The following UBE2Q2 variants were observed in gnomAD, a reference collection of about 807,000 sequenced individuals.
UBE2Q2 encodes ubiquitin conjugating enzyme E2 Q2.
A neutral mutation model predicts 59.9 loss-of-function variants in UBE2Q2; 54 were observed. That is an observed-to-expected ratio of 0.90 (90% CI 0.72 to 1.13). The LOEUF (loss-of-function observed/expected upper bound fraction) is 1.13, where lower values mean the gene tolerates loss of function less well. Among genes scored for constraint, UBE2Q2 ranks in the 50% most tolerant of loss-of-function variants. The pLI is 0.00. For missense variants in UBE2Q2, 433 were observed against 441.9 expected (o/e 0.98, Z 0.18); for synonymous variants, 165 against 155.2 (o/e 1.06, Z -0.47).
chr15:75,877,868 A>G (rs28606602), intron 6 of UBE2Q2, 93 bp from the exon 7 acceptor site: 44,006 of 1,129,394 alleles, frequency 0.039, 1,024 homozygotes, highest in South Asian at 0.058. Context: ...CAAAATTTCT[A>G]GCTTTCGTTG....
At chr15:75,878,219 A>C in intron 7 of UBE2Q2, 198 bp downstream of exon 7, 1 of 535,456 alleles carries the variant, frequency 1.9e-6, no homozygotes, top group Non-Finnish European at 3.3e-6. Context: ...GAGGAAGGAC[A>C]GAAAGAGGGA....
chr15:75,843,899 G>C, intron 1 of UBE2Q2, 53 bp downstream of exon 1: 1 of 1,491,498 alleles, frequency 6.7e-7, no homozygotes, highest in Non-Finnish European at 8.9e-7. Flanking sequence ...GAGAGGGGGC[G>C]CTTCGAGTCC....
At chr15:75,883,918 A>G (rs1898605723) in intron 9 of UBE2Q2, among the ~76,000 whole-genome samples, 1 of 152,214 alleles carries the variant, frequency 6.6e-6, no homozygotes, top group Non-Finnish European at 1.5e-5. Context: ...TTTCAAATGT[A>G]AATTGTGATT....
chr15:75,889,374 A>G (rs1018269853), intron 9 of UBE2Q2, among the ~76,000 whole-genome samples: 9 of 152,192 alleles, frequency 5.9e-5, no homozygotes, highest in African/African-American at 1.9e-4. Flanking sequence ...CCCTTATTTT[A>G]TTATTAAATA....
chr15:75,866,457 G>C (rs1426958830), intron 3 of UBE2Q2, among the ~76,000 whole-genome samples: 1 of 152,186 alleles, frequency 6.6e-6, no homozygotes, highest in Non-Finnish European at 1.5e-5. Context: ...ACAGGCATGA[G>C]CCACCGTGTC....
chr15:75,864,708 T>C (rs902974002), intron 3 of UBE2Q2, among the ~76,000 whole-genome samples: 1 of 152,172 alleles, frequency 6.6e-6, no homozygotes, highest in Admixed American at 6.5e-5. Context: ...GTTTTCTTTA[T>C]CTTGATTACT....
Position 75,890,419 on chromosome 15 carries a change from C to CT in UBE2Q2, c.885-10dup, listed in dbSNP as rs1567041833. 3 of 1,580,990 alleles carry CT rather than the reference C, an allele frequency of 1.9e-6. No homozygotes were observed. The highest frequency in any genetic ancestry group is 2.6e-6 in the Non-Finnish European group (3 of 1,170,990). ...AATTCTCGAGAATTTTGTATGACTCCTTTTTTCTTTTTAAGGTATGTATTG... is the reference window on the plus strand; with the variant it reads ...AATTCTCGAGAATTTTGTATGACTCCTTTTTTTCTTTTTAAGGTATGTATTG... On this transcript the variant is annotated splice_polypyrimidine_tract_variant and intron_variant, in intron 9 of 12. Coordinates refer to ENST00000267938, the MANE Select transcript of UBE2Q2 (RefSeq NM_173469.4).
At chr15:75,878,965 T>C in intron 7 of UBE2Q2, 133 bp from the exon 8 acceptor site, 1 of 572,296 alleles carries the variant, frequency 1.7e-6, no homozygotes, top group Non-Finnish European at 3.0e-6. Context: ...ACAGAGCAGC[T>C]TTAGACCTTC....
chr15:75,859,367 A>T (rs1046805320), intron 2 of UBE2Q2, among the ~76,000 whole-genome samples: 7 of 152,112 alleles, frequency 4.6e-5, no homozygotes, highest in Non-Finnish European at 8.8e-5. Context: ...ATTAGATAGG[A>T]TATCCAAGGT....
chr15:75,844,237 C>T (rs1443824307), intron 1 of UBE2Q2: 1 of 1,489,064 alleles, frequency 6.7e-7, no homozygotes, highest in Non-Finnish European at 8.9e-7. Context: ...TGTTTGAGCC[C>T]AGGCCGGCAA....
chr15:75,884,214 A>G (rs915606287), intron 9 of UBE2Q2, among the ~76,000 whole-genome samples: 1 of 152,228 alleles, frequency 6.6e-6, no homozygotes, highest in Non-Finnish European at 1.5e-5. Context: ...GAATGTTCCA[A>G]CACTCGGGTG....
intron 3 of UBE2Q2, among the ~76,000 whole-genome samples, chr15:75,865,893 A>G (rs1453785192): frequency 1.3e-5 from 2 of 152,144 alleles, no homozygotes; most frequent in Admixed American, 6.5e-5. Flanking sequence ...TTGTTCAACA[A>G]ATATCTGACT....
intron 1 of UBE2Q2, among the ~76,000 whole-genome samples, chr15:75,846,419 G>A (rs1047365125): frequency 2.6e-5 from 4 of 152,048 alleles, no homozygotes; most frequent in Non-Finnish European, 4.4e-5. Flanking sequence ...TGTGTTTTTA[G>A]TAGAGACGGG....
intron 4 of UBE2Q2, among the ~76,000 whole-genome samples, chr15:75,870,421 A>T (rs1897724708): frequency 6.6e-6 from 1 of 152,154 alleles, no homozygotes; most frequent in Non-Finnish European, 1.5e-5. Flanking sequence ...TAAAACTGTC[A>T]AGTTAGAATG....
chr15:75,889,434 AGAT>A (rs1898970773), intron 9 of UBE2Q2, among the ~76,000 whole-genome samples: 1 of 152,204 alleles, frequency 6.6e-6, no homozygotes, highest in South Asian at 2.1e-4. Context: ...AAAAGTTTTT[AGAT>A]GCCTTGTCTG....
chr15:75,877,017 G>A (rs950315135), intron 6 of UBE2Q2, among the ~76,000 whole-genome samples: 4 of 151,928 alleles, frequency 2.6e-5, no homozygotes, highest in Non-Finnish European at 5.9e-5. Flanking sequence ...AAAATTAGCC[G>A]GGTGTGGTGG....
At chr15:75,888,946 G>A (rs1002451588) in intron 9 of UBE2Q2, among the ~76,000 whole-genome samples, 7 of 152,152 alleles carry the variant, frequency 4.6e-5, no homozygotes, top group Admixed American at 2.0e-4. Context: ...TCCTTTTCCC[G>A]AAACAAGTTC....
chr15:75,849,078 A>C (rs1461352758), intron 1 of UBE2Q2, among the ~76,000 whole-genome samples: 6 of 152,216 alleles, frequency 3.9e-5, no homozygotes, highest in Admixed American at 2.0e-4. Flanking sequence ...AACAAGTGTT[A>C]GAATTTTTAC....
At chr15:75,899,281 T>C in intron 12 of UBE2Q2, 146 bp from the exon 13 acceptor site, 1 of 227,698 alleles carries the variant, frequency 4.4e-6, no homozygotes, top group Non-Finnish European at 7.7e-6. Flanking sequence ...TCTCAAAAAA[T>C]ATATATATAA....
Sources: gnomAD v4.1 joint callset for allele counts (sites outside exome capture counted in the v4.1 genomes callset) on GRCh38, gnomAD v4.1.1 for gene constraint, MANE v1.5 for transcripts, NCBI Gene and HGNC (gene_info 2026-07-23, HGNC 2026-07-21) for gene names.